Variants in ZNF451 observed in about 807,000 individuals in gnomAD.
ZNF451 encodes E3 SUMO-protein ligase ZNF451.
A neutral mutation model predicts 107.1 loss-of-function variants in ZNF451; 80 were observed. The ratio of observed to expected loss-of-function variants is 0.75; its 90% confidence interval spans 0.62 to 0.90. ZNF451 has a LOEUF of 0.90. ZNF451 is among the 40% of genes least tolerant of loss of function. ZNF451 has a pLI of 0.00. For missense variants in ZNF451, 1,107 were observed against 1,236.2 expected (o/e 0.90, Z 1.57); for synonymous variants, 362 against 406.5 (o/e 0.89, Z 1.32).
At chr6:57,159,782 C>A (rs1014509088) in intron 13 of ZNF451, among the ~76,000 whole-genome samples, 1 of 152,046 alleles carries the variant, frequency 6.6e-6, no homozygotes, top group Non-Finnish European at 1.5e-5. Context: ...AAACAAATTT[C>A]TGCAGCAAAA....
Position 57,106,047 on chromosome 6 carries a change from T to C in ZNF451, c.186+6906T>C, listed in dbSNP as rs1285751296. 8 of 984,510 alleles carry C rather than the reference T, an allele frequency of 8.1e-6. No individual in the cohort carries two copies. In the African/African-American group the frequency reaches 1.2e-4, roughly 15 times the overall value. 61.0% of individuals were successfully genotyped at this position (984,510 alleles called of 1,614,324 possible). ...TATTAGTACTACACTAATAATTTAC[T>C]GAGTGCTACCTAAGTGACCTGATTG... On this transcript the variant is annotated intron_variant, in intron 3 of 14. Transcript: ENST00000370706.
rs749180318 is a variant in ZNF451, at chr6:57,099,050, ATTGT to A, written c.106-8_106-5del. ...TGTTAATGACTTCTAAATTTGCTTG[ATTGT>A]TTATAGGAAGGACCATTACGACCTG... On this transcript the variant is annotated splice_polypyrimidine_tract_variant and splice_region_variant and intron_variant, in intron 2 of 14. Transcript: ENST00000370706. 11 of 1,610,932 alleles carry A rather than the reference ATTGT, an allele frequency of 6.8e-6. No homozygotes were observed. In the South Asian group the frequency reaches 1.2e-4, roughly 18 times the overall value.
chr6:57,142,242 G>C, intron 9 of ZNF451, 147 bp downstream of exon 9: 1 of 929,674 alleles, frequency 1.1e-6, no homozygotes, highest in Non-Finnish European at 1.6e-6. Flanking sequence ...AACATAGTGA[G>C]AGAAGTTAGA....
At chr6:57,105,436 A>T (rs1401983368) in intron 3 of ZNF451, 1 of 985,240 alleles carries the variant, frequency 1.0e-6, no homozygotes, top group Non-Finnish European at 1.2e-6. Context: ...GATGTCTTGC[A>T]TATATTGCTG....
At chr6:57,132,193 G>A (rs1231803689) in intron 5 of ZNF451, among the ~76,000 whole-genome samples, 1 of 152,168 alleles carries the variant, frequency 6.6e-6, no homozygotes, top group Non-Finnish European at 1.5e-5. Flanking sequence ...TTCTATAAAT[G>A]TGTTATCCCT....
intron 4 of ZNF451, among the ~76,000 whole-genome samples, chr6:57,126,365 G>A (rs1187008238): frequency 1.3e-5 from 2 of 151,506 alleles, no homozygotes; most frequent in Non-Finnish European, 2.9e-5. Flanking sequence ...TTCCCTTTAT[G>A]GATTACTTAT....
rs757215547 is a variant in ZNF451, at chr6:57,147,352, A to G, written c.1267A>G (p.Lys423Glu). Reference sequence around the variant, plus strand: ...CTTGCATTTATTGTTGGATCAATCAAAATTTTCATCACTTAAAAGAACCAT... The same window carrying G: ...CTTGCATTTATTGTTGGATCAATCAGAATTTTCATCACTTAAAAGAACCAT... The part of the protein sequence containing the change: ...SDLHLLLDQS[K>E]FSSLKRTMSI... The change falls in exon 10 of 15, where the codon AAA (lysine) becomes GAA (glutamate). Residue 423 changes from lysine (K) to glutamate (E), a missense_variant. By Grantham distance (56) the Lys-to-Glu change is moderately conservative (BLOSUM62 1). Coordinates refer to ENST00000370706, the MANE Select transcript of ZNF451 (RefSeq NM_001031623.3). The G allele has an allele frequency of 6.2e-6, 10 of 1,614,018 alleles. No individual in the cohort carries two copies. The highest frequency in any genetic ancestry group is 1.7e-5 in the Admixed American group (1 of 59,996).
chr6:57,133,167 C>T lies in ZNF451; in HGVS notation c.550C>T (p.His184Tyr). The change falls in exon 6 of 15, where the codon CAC (histidine) becomes TAC (tyrosine). Residue 184 changes from histidine (H) to tyrosine (Y), a missense_variant. By Grantham distance (83) the His-to-Tyr change is moderately conservative. This residue lies in a region of ZNF451 where 339 missense variants were observed against 372.8 expected (regional missense o/e 0.91). Coordinates refer to ENST00000370706, the MANE Select transcript of ZNF451 (RefSeq NM_001031623.3). ...MHCNKEFDNGHLLLGHLKRFD... is the reference protein window; with the variant it reads ...MHCNKEFDNGYLLLGHLKRFD... Reference sequence around the variant, plus strand: ...CTGTAACAAGGAGTTTGACAATGGGCACCTTCTCTTAGGACATTTGAAAAG... The same window carrying T: ...CTGTAACAAGGAGTTTGACAATGGGTACCTTCTCTTAGGACATTTGAAAAG... 1.9e-6 allele frequency: 3 copies of T among 1,613,964 alleles called. No homozygotes were observed. The highest frequency in any genetic ancestry group is 2.5e-6 in the Non-Finnish European group (3 of 1,179,924).
At chr6:57,123,316 T>G (rs779769605) in intron 3 of ZNF451, among the ~76,000 whole-genome samples, 1 of 152,206 alleles carries the variant, frequency 6.6e-6, no homozygotes, top group South Asian at 2.1e-4. Flanking sequence ...TGTGGAATAC[T>G]ACACAGCCAT....
intron 8 of ZNF451, 43 bp from the exon 9 acceptor site, chr6:57,141,905 T>A (rs2127974618): frequency 6.4e-7 from 1 of 1,574,692 alleles, no homozygotes; most frequent in Non-Finnish European, 8.7e-7. Flanking sequence ...GGTTACTCTG[T>A]ACTCAAATAA....
intron 3 of ZNF451, among the ~76,000 whole-genome samples, chr6:57,113,159 G>T (rs775380532): frequency 6.6e-6 from 1 of 151,910 alleles, no homozygotes; most frequent in Admixed American, 6.6e-5. Context: ...CCTCATTCAG[G>T]CCCAATGTCT....
chr6:57,101,978 A>G, intron 3 of ZNF451: 1 of 1,550,608 alleles, frequency 6.4e-7, no homozygotes, highest in Non-Finnish European at 8.7e-7. Context: ...AGTCATGATC[A>G]GAAAGCACAT....
At chr6:57,101,060 A>G (rs1217592231) in intron 3 of ZNF451, 2 of 1,550,270 alleles carry the variant, frequency 1.3e-6, no homozygotes, top group Non-Finnish European at 8.7e-7. Flanking sequence ...CCAAGTGAGA[A>G]CTCCTCAGTT....
chr6:57,126,956 G>A (rs1830958410), intron 4 of ZNF451, among the ~76,000 whole-genome samples: 2 of 152,094 alleles, frequency 1.3e-5, no homozygotes, highest in South Asian at 2.1e-4. Flanking sequence ...CTAGTAGTTG[G>A]TATGTAGTAA....
intron 5 of ZNF451, among the ~76,000 whole-genome samples, chr6:57,129,172 A>G (rs1831066125): frequency 6.6e-6 from 1 of 152,168 alleles, no homozygotes; most frequent in South Asian, 2.1e-4. Flanking sequence ...GAGGTCAGAA[A>G]AAGCTTCTCT....
intron 3 of ZNF451, chr6:57,100,478 G>A (rs191747174): frequency 7.5e-5 from 86 of 1,148,388 alleles, no homozygotes; most frequent in Admixed American, 5.8e-4. Flanking sequence ...ATCTTTCACT[G>A]TTAATTATAA....
At chr6:57,114,021 G>T (rs1830248565) in intron 3 of ZNF451, among the ~76,000 whole-genome samples, 1 of 152,162 alleles carries the variant, frequency 6.6e-6, no homozygotes, top group Non-Finnish European at 1.5e-5. Flanking sequence ...AATTGTTCAA[G>T]AAATAGGCAT....
Position 57,147,886 on chromosome 6 carries a change from T to A in ZNF451, c.1801T>A (p.Ser601Thr), listed in dbSNP as rs763213287. 42 of 1,614,032 alleles carry A rather than the reference T, an allele frequency of 2.6e-5. No homozygotes were observed. Among genetic ancestry groups the A allele is most frequent in the Non-Finnish European group, 1.3e-5 (15 of 1,179,984 alleles). ...TVIDHSPANS[S>T]PRGKWQCRIC... ...TATTGATCATTCCCCGGCAAATAGT[T>A]CTCCGAGGGGTAAATGGCAATGCCG... The change falls in exon 10 of 15, where the codon TCT (serine) becomes ACT (threonine). Residue 601 changes from serine to threonine, a missense_variant. By Grantham distance (58) the Ser-to-Thr change is moderately conservative (BLOSUM62 1). Around this residue, in one of 5 missense-constraint regions of ZNF451, gnomAD observed 608 missense variants for 649.2 expected, o/e 0.94. Coordinates refer to ENST00000370706, the MANE Select transcript of ZNF451 (RefSeq NM_001031623.3).
At chr6:57,113,723 G>A (rs1370432138) in intron 3 of ZNF451, among the ~76,000 whole-genome samples, 1 of 150,168 alleles carries the variant, frequency 6.7e-6, no homozygotes, top group Non-Finnish European at 1.5e-5. Flanking sequence ...CCGGGTTCAC[G>A]CCATTCTCCT....
Sources: allele counts gnomAD v4.1 joint callset (sites outside exome capture counted in the v4.1 genomes callset), GRCh38; gene constraint gnomAD v4.1.1; regional missense constraint gnomAD v4.1.1; transcripts MANE v1.5; gene names NCBI Gene and HGNC (gene_info 2026-07-23, HGNC 2026-07-21).